The following INPP4B variants were observed in gnomAD, a reference collection of about 807,000 sequenced individuals.
The protein encoded by INPP4B is inositol polyphosphate-4-phosphatase type II B.
In INPP4B, 55 loss-of-function variants were observed where a neutral mutation model predicts 122.5. The observed-to-expected ratio is 0.45, with a 90% CI of 0.36 to 0.56. INPP4B has a LOEUF of 0.56. Among genes scored for constraint, INPP4B ranks in the 20% least tolerant of loss-of-function variants. INPP4B has a pLI of 0.00. For missense variants in INPP4B, 1,000 were observed against 1,097.7 expected, an observed-to-expected ratio of 0.91 and a Z score of 1.26; for synonymous variants, 403 against 388.7, an observed-to-expected ratio of 1.04 and a Z score of -0.43.
chr4:142,612,379 T>G (rs1209409858), intron 2 of INPP4B, among the ~76,000 whole-genome samples: 1 of 152,246 alleles, frequency 6.6e-6, no homozygotes, highest in African/African-American at 2.4e-5. Context: ...GTGTAGAGAC[T>G]GCTATTTGCC....
chr4:142,544,456 A>G (rs1167013765), intron 2 of INPP4B, among the ~76,000 whole-genome samples: 1 of 152,140 alleles, frequency 6.6e-6, no homozygotes, highest in Non-Finnish European at 1.5e-5. Context: ...TGGAGGATGC[A>G]GTGCATTTCC....
At chr4:142,311,542 C>T (rs1765518381) in intron 8 of INPP4B, among the ~76,000 whole-genome samples, 1 of 152,092 alleles carries the variant, frequency 6.6e-6, no homozygotes, top group Non-Finnish European at 1.5e-5. Flanking sequence ...TTGCTAGCTT[C>T]CAAGCACAAA....
intron 2 of INPP4B, among the ~76,000 whole-genome samples, chr4:142,678,626 A>G (rs1191263622): frequency 6.6e-6 from 1 of 151,988 alleles, no homozygotes; most frequent in Non-Finnish European, 1.5e-5. Context: ...ACGTAAGAGC[A>G]TATAAAAAGG....
chr4:142,655,917 C>G lies in INPP4B; in HGVS notation c.-191+69922G>C, dbSNP rs28681073. Among the ~76,000 whole-genome samples the G allele has an allele frequency of 2.3e-3, 348 of 152,280 alleles. 1 individual carries two copies. Among genetic ancestry groups the G allele is most frequent in the African/African-American group, 7.8e-3 (325 of 41,550 alleles). On this transcript the variant is annotated intron_variant, in intron 2 of 25. Coordinates refer to ENST00000262992, the MANE Select transcript of INPP4B (RefSeq NM_001101669.3). Reference sequence around the variant, plus strand: ...ACTAATACCATTCCTTAAATATTGACAGTGACATAATGACATTTGTATACT... The same window carrying G: ...ACTAATACCATTCCTTAAATATTGAGAGTGACATAATGACATTTGTATACT...
At chr4:142,637,947 T>C (rs1749533936) in intron 2 of INPP4B, among the ~76,000 whole-genome samples, 2 of 152,208 alleles carry the variant, frequency 1.3e-5, no homozygotes, top group South Asian at 4.1e-4. Flanking sequence ...TCTAATGACA[T>C]GATGTTGACC....
At chr4:142,581,541 G>T (rs1735073933) in intron 2 of INPP4B, among the ~76,000 whole-genome samples, 1 of 68,246 alleles carries the variant, frequency 1.5e-5, no homozygotes, top group Non-Finnish European at 3.1e-5. Flanking sequence ...GAAATAGATA[G>T]AAGTTCCATT....
chr4:142,484,984 A>G (rs1377542368), intron 2 of INPP4B, among the ~76,000 whole-genome samples: 1 of 152,122 alleles, frequency 6.6e-6, no homozygotes, highest in African/African-American at 2.4e-5. Context: ...CAGAATTTTA[A>G]TTTGTCCTTG....
At position 142,170,927 on chromosome 4, in the gene INPP4B, T is replaced by C. The variant is rs1201039215; in HGVS notation, c.1359+2705A>G. Among the ~76,000 whole-genome samples the C allele has an allele frequency of 3.3e-5, 5 of 151,808 alleles. No individual in the cohort carries two copies. In the East Asian group the frequency reaches 9.7e-4, roughly 29 times the overall value. On this transcript the variant is annotated intron_variant, in intron 16 of 25. Transcript: ENST00000262992. Reference sequence around the variant, plus strand: ...GGATGGAATTTTGGTTGGGGAGCTCTATCCATGTGCCTTGGTTCTCAGTAG... The same window carrying C: ...GGATGGAATTTTGGTTGGGGAGCTCCATCCATGTGCCTTGGTTCTCAGTAG...
chr4:142,803,410 A>G (rs969660985), intron 1 of INPP4B, among the ~76,000 whole-genome samples: 1 of 151,982 alleles, frequency 6.6e-6, no homozygotes, highest in South Asian at 2.1e-4. Flanking sequence ...TATTGTCAGT[A>G]AAATCATTTT....
At chr4:142,373,696 A>T (rs564355608) in intron 7 of INPP4B, among the ~76,000 whole-genome samples, 1 of 152,120 alleles carries the variant, frequency 6.6e-6, no homozygotes, top group Admixed American at 6.6e-5. Flanking sequence ...TGTTACTAAG[A>T]GTTTGTTCCT....
In INPP4B at chr4:142,385,732, G is replaced by T. The variant is rs928632509; in HGVS notation, c.372+17206C>A. On this transcript the variant is annotated intron_variant, in intron 7 of 25. Transcript: ENST00000262992. ...AGCATCCATTCTCCCACAGCCAAGGGATTTTACTTGTGTATTTTTTTATTT... is the reference window on the plus strand; with the variant it reads ...AGCATCCATTCTCCCACAGCCAAGGTATTTTACTTGTGTATTTTTTTATTT... Among the ~76,000 whole-genome samples, 122 of 152,056 alleles carry T rather than the reference G, an allele frequency of 8.0e-4. 1 individual carries two copies. The highest frequency in any genetic ancestry group is 2.8e-3 in the African/African-American group (117 of 41,500).
At chr4:142,548,133 C>T (rs536593099) in intron 2 of INPP4B, among the ~76,000 whole-genome samples, 5 of 152,272 alleles carry the variant, frequency 3.3e-5, no homozygotes, top group African/African-American at 1.2e-4. Context: ...TAGACAATCT[C>T]TCCAACTTCT....
At chr4:142,566,325 G>C (rs191347417) in intron 2 of INPP4B, 11 of 152,214 alleles carry the variant, frequency 7.2e-5, no homozygotes, top group Admixed American at 7.2e-4. Flanking sequence ...ATGGAGAAAA[G>C]GAAAGTTAAC....
At chr4:142,610,850 A>T (rs1159260760) in intron 2 of INPP4B, among the ~76,000 whole-genome samples, 1 of 152,144 alleles carries the variant, frequency 6.6e-6, no homozygotes, top group Non-Finnish European at 1.5e-5. Context: ...ATCATTTTTT[A>T]AAAAAATAAG....
intron 1 of INPP4B, among the ~76,000 whole-genome samples, chr4:142,828,815 A>G (rs1781758161): frequency 6.6e-6 from 1 of 152,144 alleles, no homozygotes. Flanking sequence ...TCAAAAAAGG[A>G]GCAAGAAGTA....
At chr4:142,167,602 T>C (rs1823438969) in intron 16 of INPP4B, among the ~76,000 whole-genome samples, 1 of 151,754 alleles carries the variant, frequency 6.6e-6, no homozygotes, top group South Asian at 2.1e-4. Context: ...CTGCTGTGCT[T>C]TTGTCTAGTT....
intron 2 of INPP4B, among the ~76,000 whole-genome samples, chr4:142,583,025 C>T (rs6831966): frequency 0.6 from 91,179 of 151,874 alleles, 28,768 homozygotes; most frequent in East Asian, 0.79. Context: ...TGAGTCTCAC[C>T]TTTACTAGTT....
intron 2 of INPP4B, among the ~76,000 whole-genome samples, chr4:142,625,714 A>C (rs1055526090): frequency 6.6e-6 from 1 of 152,118 alleles, no homozygotes; most frequent in Non-Finnish European, 1.5e-5. Context: ...GAGGCATCAC[A>C]CTACCTGATT....
In INPP4B at chr4:142,279,380, T is replaced by C. The variant is rs1462603219; in HGVS notation, c.504-8606A>G. ...GGAATTGAACTAACTGATTTTAAGATACATTGTAAATCTAGAGTAATTAAA... is the reference window on the plus strand; with the variant it reads ...GGAATTGAACTAACTGATTTTAAGACACATTGTAAATCTAGAGTAATTAAA... On this transcript the variant is annotated intron_variant, in intron 9 of 25. Coordinates refer to ENST00000262992, the MANE Select transcript of INPP4B (RefSeq NM_001101669.3). 2.6e-5 allele frequency among the ~76,000 whole-genome samples: 4 copies of C among 151,916 alleles called. No individual in the cohort carries two copies. In the South Asian group the frequency reaches 6.2e-4, roughly 24 times the overall value.
Sources: allele counts gnomAD v4.1 joint callset (sites outside exome capture counted in the v4.1 genomes callset), GRCh38; gene constraint gnomAD v4.1.1; transcripts MANE v1.5; gene names NCBI Gene and HGNC (gene_info 2026-07-23, HGNC 2026-07-21).